RAB7B: variants seen among roughly 807,000 people sequenced by gnomAD.
RAB7B encodes ras-related protein Rab-7b.
chr1:205,991,823 C>T (rs1660726371), intron 4 of RAB7B, among the ~76,000 whole-genome samples: 3 of 152,220 alleles, frequency 2.0e-5, no homozygotes, highest in Non-Finnish European at 4.4e-5. Context: ...ATTCTTTCCT[C>T]ATTAGTAGGC....
chr1:205,998,552 T>C (rs1311971036), intron 1 of RAB7B, among the ~76,000 whole-genome samples: 3 of 151,724 alleles, frequency 2.0e-5, no homozygotes, highest in African/African-American at 4.8e-5. Context: ...AGAGATACAG[T>C]GGGGGTGGAG....
At chr1:205,991,829 T>C (rs1341092777) in intron 4 of RAB7B, among the ~76,000 whole-genome samples, 1 of 152,204 alleles carries the variant, frequency 6.6e-6, no homozygotes, top group Non-Finnish European at 1.5e-5. Flanking sequence ...TCCTCATTAG[T>C]AGGCAAGGAT....
intron 4 of RAB7B, among the ~76,000 whole-genome samples, chr1:205,986,305 A>G (rs1299207324): frequency 6.6e-6 from 1 of 152,200 alleles, no homozygotes; most frequent in Non-Finnish European, 1.5e-5. Flanking sequence ...TTTATCATAT[A>G]TGAACTCATC....
chr1:205,987,655 C>T (rs1660634793), intron 4 of RAB7B, among the ~76,000 whole-genome samples: 1 of 152,152 alleles, frequency 6.6e-6, no homozygotes, highest in African/African-American at 2.4e-5. Context: ...AGAAATTACC[C>T]ACCTGAGCAC....
intron 4 of RAB7B, among the ~76,000 whole-genome samples, chr1:205,987,180 C>T (rs1321414329): frequency 2.6e-5 from 4 of 152,164 alleles, no homozygotes; most frequent in Non-Finnish European, 5.9e-5. Flanking sequence ...AAGAAAGCTA[C>T]CCAGACAGTA....
chr1:205,979,720 T>C (rs1397384509), intron 5 of RAB7B, among the ~76,000 whole-genome samples: 1 of 152,176 alleles, frequency 6.6e-6, no homozygotes, highest in Non-Finnish European at 1.5e-5. Flanking sequence ...CAGCCAGTAC[T>C]GTGGGCCTCG....
At chr1:205,988,251 T>TCC (rs1265665986) in intron 4 of RAB7B, among the ~76,000 whole-genome samples, 3 of 131,960 alleles carry the variant, frequency 2.3e-5, no homozygotes, top group East Asian at 4.3e-4. Flanking sequence ...TTTTTTCTTT[T>TCC]AGTGTCTTGC....
At chr1:205,985,278 T>C (rs1333481454) in intron 5 of RAB7B, among the ~76,000 whole-genome samples, 3 of 152,192 alleles carry the variant, frequency 2.0e-5, no homozygotes, top group Non-Finnish European at 4.4e-5. Context: ...AGTTTTTAGA[T>C]ACTCCACGAG....
At chr1:205,983,777 G>C (rs1156541372) in intron 5 of RAB7B, 1 of 145,658 alleles carries the variant, frequency 6.9e-6, no homozygotes, top group Non-Finnish European at 1.5e-5. Flanking sequence ...TGCCAAGAAA[G>C]GGTGTTATAA....
intron 4 of RAB7B, among the ~76,000 whole-genome samples, chr1:205,991,127 T>G (rs960840720): frequency 6.6e-5 from 10 of 152,172 alleles, no homozygotes; most frequent in Non-Finnish European, 1.3e-4. Flanking sequence ...TCCTGACCTC[T>G]TCTCCCTCTT....
In RAB7B at chr1:206,001,641, C is replaced by T. The variant is rs977489020; in HGVS notation, c.-17+1612G>A. Among the ~76,000 whole-genome samples, 240 of 152,274 alleles carry T rather than the reference C, an allele frequency of 1.6e-3. 3 individuals are homozygous for T. The South Asian group carries it at 0.024, about 15-fold the overall frequency. On this transcript the variant is annotated intron_variant, in intron 1 of 5. Coordinates refer to ENST00000617070, the MANE Select transcript of RAB7B (RefSeq NM_001164522.3). ...TTGAAATGCAGGACTCTGCCTTCAG[C>T]CAGCCCCGGTCCACACAGAGCAGAA...
chr1:205,979,880 A>C (rs1157298203), intron 5 of RAB7B, among the ~76,000 whole-genome samples: 1 of 152,198 alleles, frequency 6.6e-6, no homozygotes, highest in Non-Finnish European at 1.5e-5. Context: ...TTCCAGGGAC[A>C]GGGGTGCTGC....
At chr1:205,995,648 C>T (rs901053647) in intron 1 of RAB7B, among the ~76,000 whole-genome samples, 13 of 152,096 alleles carry the variant, frequency 8.5e-5, no homozygotes, top group Non-Finnish European at 1.5e-4. Context: ...AGACAAATAC[C>T]ATATGATCTC....
chr1:206,000,993 G>A (rs1213501548), intron 1 of RAB7B, among the ~76,000 whole-genome samples: 3 of 152,188 alleles, frequency 2.0e-5, no homozygotes, highest in Non-Finnish European at 2.9e-5. Context: ...CCCCCTCCCT[G>A]GTTCCTTTCC....
intron 4 of RAB7B, among the ~76,000 whole-genome samples, 164 bp from the exon 5 acceptor site, chr1:205,985,829 C>G (rs1660594645): frequency 6.6e-6 from 1 of 151,756 alleles, no homozygotes; most frequent in African/African-American, 2.4e-5. Flanking sequence ...CCCACCATCC[C>G]CACCAGGCCC....
chr1:205,980,083 C>T (rs1398809569), intron 5 of RAB7B, among the ~76,000 whole-genome samples: 1 of 152,242 alleles, frequency 6.6e-6, no homozygotes, highest in African/African-American at 2.4e-5. Context: ...CCATCACTCA[C>T]TGCCACCCCC....
At chr1:205,979,576 TA>T (rs1344507924) in intron 5 of RAB7B, among the ~76,000 whole-genome samples, 2,368 of 151,930 alleles carry the variant, frequency 0.016, 48 homozygotes, top group African/African-American at 0.055. Context: ...GTTGGGGTGG[TA>T]TGGAGGAGGG....
chr1:205,991,733 G>A (rs1016603923), intron 4 of RAB7B, among the ~76,000 whole-genome samples: 7 of 152,184 alleles, frequency 4.6e-5, no homozygotes, highest in Non-Finnish European at 1.0e-4. Context: ...ACTAAAAAGA[G>A]AAACTTGGTT....
intron 2 of RAB7B, among the ~76,000 whole-genome samples, chr1:205,993,851 C>G (rs1353048346): frequency 1.3e-5 from 2 of 152,174 alleles, no homozygotes; most frequent in Admixed American, 6.5e-5. Context: ...AAATGGCTTG[C>G]CTAATTCACA....
Sources: gnomAD v4.1 joint callset for allele counts (sites outside exome capture counted in the v4.1 genomes callset) on GRCh38, gnomAD v4.1.1 for gene constraint, MANE v1.5 for transcripts, NCBI Gene and HGNC (gene_info 2026-07-23, HGNC 2026-07-21) for gene names.